Variants in MIR2052HG observed in about 807,000 individuals in gnomAD.
The protein encoded by MIR2052HG is MIR2052 host gene.
At position 74,640,424 on chromosome 8, in the gene MIR2052HG, T is replaced by C. The variant is rs545226761; in HGVS notation, n.216+27484T>C. ...AAGCAGAGGTTGCAGTGAGTCGAAA[T>C]TGCACCACTGCACTCCAGCCTGGAC... On this transcript the variant is annotated intron_variant and non_coding_transcript_variant, in intron 2 of 6. Transcript: ENST00000523442. 6.3e-5 allele frequency among the ~76,000 whole-genome samples: 9 copies of C among 141,996 alleles called. No homozygotes were observed. The East Asian group carries it at 1.0e-3, about 16-fold the overall frequency. 93.2% of individuals were successfully genotyped at this position (141,996 alleles called of 152,430 possible).
chr8:74,750,950 T>C (rs1257730009), intron 4 of MIR2052HG, among the ~76,000 whole-genome samples: 1 of 152,222 alleles, frequency 6.6e-6, no homozygotes, highest in Non-Finnish European at 1.5e-5. Context: ...TGTTCCAAAT[T>C]ATACACTGTT....
intron 2 of MIR2052HG, among the ~76,000 whole-genome samples, chr8:74,675,138 T>C (rs1341548142): frequency 6.6e-6 from 1 of 152,034 alleles, no homozygotes; most frequent in East Asian, 1.9e-4. Context: ...AGAAAATCAT[T>C]GCCCTCAAAG....
At chr8:74,604,583 C>CTTTTTTTTTTTTTTTTT (rs35641908) in intron 1 of MIR2052HG, among the ~76,000 whole-genome samples, 1 of 50,006 alleles carries the variant, frequency 2.0e-5, no homozygotes, top group Non-Finnish European at 3.6e-5. Flanking sequence ...TGTTTCTTTA[C>CTTTTTTTTTTTTTTTTT]TTTTTTTTTT....
intron 4 of MIR2052HG, among the ~76,000 whole-genome samples, chr8:74,720,744 T>C (rs1275348078): frequency 1.3e-5 from 2 of 152,098 alleles, no homozygotes; most frequent in African/African-American, 4.8e-5. Flanking sequence ...GCGGTGTGTG[T>C]GTATGTATAT....
intron 2 of MIR2052HG, among the ~76,000 whole-genome samples, chr8:74,633,772 G>A (rs1164096323): frequency 6.6e-6 from 1 of 152,194 alleles, no homozygotes; most frequent in Non-Finnish European, 1.5e-5. Context: ...CCTGATAGAT[G>A]TATTGGTATG....
intron 1 of MIR2052HG, among the ~76,000 whole-genome samples, chr8:74,605,028 T>C (rs1230581357): frequency 2.0e-5 from 3 of 152,170 alleles, no homozygotes; most frequent in Non-Finnish European, 4.4e-5. Context: ...GACTGATTGT[T>C]TTTTGTCACT....
At chr8:74,683,132 G>A (rs1477890867) in intron 2 of MIR2052HG, among the ~76,000 whole-genome samples, 1 of 152,148 alleles carries the variant, frequency 6.6e-6, no homozygotes, top group Admixed American at 6.6e-5. Context: ...GAAGGCTTGA[G>A]AGTGAGTTGC....
chr8:74,714,003 T>C (rs1809496493), intron 4 of MIR2052HG, among the ~76,000 whole-genome samples: 1 of 152,068 alleles, frequency 6.6e-6, no homozygotes, highest in South Asian at 2.1e-4. Context: ...GAGAGTCTCC[T>C]AAGAGACTCT....
chr8:74,616,380 T>A (rs1808282467), intron 2 of MIR2052HG, among the ~76,000 whole-genome samples: 1 of 149,630 alleles, frequency 6.7e-6, no homozygotes, highest in South Asian at 2.1e-4. Flanking sequence ...TGAGCATTTT[T>A]TTCATGTAAA....
chr8:74,737,596 T>C (rs1242010187), intron 4 of MIR2052HG, among the ~76,000 whole-genome samples: 4 of 152,198 alleles, frequency 2.6e-5, no homozygotes, highest in African/African-American at 7.2e-5. Flanking sequence ...AATTCTGATA[T>C]CTTGTCACAC....
intron 4 of MIR2052HG, among the ~76,000 whole-genome samples, chr8:74,708,843 T>A (rs965191777): frequency 5.3e-5 from 8 of 151,460 alleles, no homozygotes; most frequent in Non-Finnish European, 1.0e-4. Flanking sequence ...TTAAATAAAA[T>A]TTTAAAATCT....
intron 4 of MIR2052HG, among the ~76,000 whole-genome samples, chr8:74,736,949 G>A (rs1809749746): frequency 7.9e-5 from 12 of 152,146 alleles, no homozygotes; most frequent in Admixed American, 7.2e-4. Context: ...ACCTAAGGCT[G>A]TTTCACGCTG....
intron 2 of MIR2052HG, among the ~76,000 whole-genome samples, chr8:74,680,957 G>A (rs867765680): frequency 3.1e-3 from 457 of 147,580 alleles, no homozygotes; most frequent in African/African-American, 0.011. Context: ...GTAAACTATC[G>A]CAAGAACAAA....
intron 4 of MIR2052HG, among the ~76,000 whole-genome samples, chr8:74,750,919 A>G (rs1257807938): frequency 6.6e-6 from 1 of 152,214 alleles, no homozygotes; most frequent in Admixed American, 6.5e-5. Flanking sequence ...TATAGAGGGG[A>G]TGAAGGACAG....
chr8:74,609,990 T>A (rs559775606), intron 1 of MIR2052HG: 1 of 151,728 alleles, frequency 6.6e-6, no homozygotes, highest in South Asian at 2.1e-4. Context: ...AAATTAAAGA[T>A]GTTGATATTG....
At chr8:74,653,966 T>C (rs1040972700) in intron 2 of MIR2052HG, among the ~76,000 whole-genome samples, 12 of 152,160 alleles carry the variant, frequency 7.9e-5, no homozygotes, top group Non-Finnish European at 1.5e-4. Flanking sequence ...TGAGCTCTGC[T>C]TATCACTAAC....
intron 4 of MIR2052HG, among the ~76,000 whole-genome samples, chr8:74,731,178 A>G (rs1809689174): frequency 6.6e-6 from 1 of 152,212 alleles, no homozygotes; most frequent in African/African-American, 2.4e-5. Context: ...TAAAGGCCAC[A>G]TGTGAACCAA....
At chr8:74,666,967 C>G (rs1291918154) in intron 2 of MIR2052HG, among the ~76,000 whole-genome samples, 1 of 152,184 alleles carries the variant, frequency 6.6e-6, no homozygotes, top group Non-Finnish European at 1.5e-5. Context: ...CTGGGCATCT[C>G]TTTTTGGGCT....
intron 2 of MIR2052HG, among the ~76,000 whole-genome samples, chr8:74,671,287 T>C (rs984449350): frequency 6.6e-6 from 1 of 152,146 alleles, no homozygotes. Flanking sequence ...TTGTGTATTA[T>C]GATTTAGGTA....
Sources: allele counts gnomAD v4.1 joint callset (sites outside exome capture counted in the v4.1 genomes callset), GRCh38; gene constraint gnomAD v4.1.1; transcripts MANE v1.5; gene names NCBI Gene and HGNC (gene_info 2026-07-23, HGNC 2026-07-21).